Variants in KLF17 observed in about 807,000 individuals in gnomAD.
KLF17 encodes KLF transcription factor 17.
In KLF17, 31 loss-of-function variants were observed where a neutral mutation model predicts 34.2. The ratio of observed to expected loss-of-function variants is 0.91; its 90% CI spans 0.68 to 1.22. KLF17 has a LOEUF of 1.22. Ranked by LOEUF, KLF17 falls within the 50% of genes most tolerant of loss-of-function variation. KLF17 has a pLI of 0.00. For synonymous variants in KLF17, 179 were observed against 186.7 expected (o/e 0.96, Z 0.34); for missense variants, 478 against 505.2 (o/e 0.95, Z 0.52).
chr1:44,071,188 C>G, the KLF17 span, among the ~76,000 whole-genome samples: 1 of 152,180 alleles, frequency 6.6e-6, no homozygotes, highest in African/African-American at 2.4e-5. Context: ...TCTCCAACAG[C>G]TCTCCTGGTT....
At chr1:44,125,783 T>C (rs1459027723) in intron 1 of KLF17, among the ~76,000 whole-genome samples, 1 of 151,834 alleles carries the variant, frequency 6.6e-6, no homozygotes, top group Non-Finnish European at 1.5e-5. Context: ...TGTTTTATTA[T>C]AATGTTTCTT....
the KLF17 span, among the ~76,000 whole-genome samples, chr1:44,080,307 A>T: frequency 4.6e-5 from 6 of 130,998 alleles, no homozygotes; most frequent in African/African-American, 1.8e-4. Flanking sequence ...GGTGCAATCT[A>T]GGCTCACTGC....
At chr1:44,106,069 T>G in the KLF17 span, among the ~76,000 whole-genome samples, 1 of 151,986 alleles carries the variant, frequency 6.6e-6, no homozygotes, top group African/African-American at 2.4e-5. Context: ...CAAGCCATCC[T>G]GCCAGTTTCC....
chr1:44,060,868 A>G, the KLF17 span, among the ~76,000 whole-genome samples: 1 of 152,358 alleles, frequency 6.6e-6, no homozygotes, highest in East Asian at 1.9e-4. Flanking sequence ...CTGTGCAGTT[A>G]TTAATGAAAC....
intron 3 of KLF17, among the ~76,000 whole-genome samples, chr1:44,132,531 C>T (rs1487937907): frequency 6.6e-6 from 1 of 152,188 alleles, no homozygotes; most frequent in African/African-American, 2.4e-5. Context: ...AATACATCAC[C>T]TTACGTTACT....
At chr1:44,119,210 G>C (rs917077488) in intron 1 of KLF17, among the ~76,000 whole-genome samples, 1 of 151,864 alleles carries the variant, frequency 6.6e-6, no homozygotes, top group Non-Finnish European at 1.5e-5. Flanking sequence ...TGGGAGACTG[G>C]GGAGGGATTG....
the KLF17 span, chr1:44,076,867 G>A: frequency 6.7e-6 from 1 of 149,618 alleles, no homozygotes; most frequent in Non-Finnish European, 1.5e-5. Flanking sequence ...TGGAACTACA[G>A]GTGTGCACCA....
At chr1:44,046,129 G>GAAA in the KLF17 span, 1 of 141,782 alleles carries the variant, frequency 7.1e-6, no homozygotes, top group African/African-American at 2.6e-5. Context: ...TTTGGTAAAG[G>GAAA]ATAATAATAA....
At chr1:44,114,227 T>TC (rs1275180184), upstream of KLF17, 6 of 152,200 alleles carry the variant, frequency 3.9e-5, no homozygotes, top group African/African-American at 9.7e-5. Flanking sequence ...AAACTAATCC[T>TC]CTGAGGTGCT....
At chr1:44,051,379 C>T in the KLF17 span, 17 of 152,252 alleles carry the variant, frequency 1.1e-4, no homozygotes, top group Non-Finnish European at 2.4e-4. Context: ...TCAGTCCTCA[C>T]GTGGGACCCT....
At chr1:44,098,343 ACT>A in the KLF17 span, among the ~76,000 whole-genome samples, 12 of 148,018 alleles carry the variant, frequency 8.1e-5, no homozygotes, top group Admixed American at 2.7e-4. Flanking sequence ...TATTTGGGTC[ACT>A]CTCTTTTTTA....
chr1:44,073,246 G>T, the KLF17 span, among the ~76,000 whole-genome samples: 2 of 143,352 alleles, frequency 1.4e-5, no homozygotes, highest in Admixed American at 7.3e-5. Context: ...TCACTCCGTC[G>T]CCCAGGTTGG....
upstream of KLF17, chr1:44,114,423 A>G (rs568056279): frequency 2.2e-3 from 332 of 152,324 alleles, 1 homozygote; most frequent in Non-Finnish European, 3.4e-3. Flanking sequence ...ACCAAATACT[A>G]CTTCTGGGAA....
At chr1:44,122,105 A>G (rs1455281100) in intron 1 of KLF17, 1 of 1,219,548 alleles carries the variant, frequency 8.2e-7, no homozygotes. Context: ...CCTGTACAAA[A>G]AATATCCCAA....
At chr1:44,088,120 T>TTTAC in the KLF17 span, 1 of 158,782 alleles carries the variant, frequency 6.3e-6, no homozygotes, top group East Asian at 1.9e-4. Context: ...TATTTATTTA[T>TTTAC]TTATTTATTT....
chr1:44,105,324 T>C, the KLF17 span: 26 of 152,008 alleles, frequency 1.7e-4, no homozygotes, highest in Non-Finnish European at 1.6e-4. Context: ...GGTGGTGGAA[T>C]GTTTTAAAAA....
At chr1:44,073,436 C>A in the KLF17 span, among the ~76,000 whole-genome samples, 1 of 128,010 alleles carries the variant, frequency 7.8e-6, no homozygotes, top group South Asian at 2.5e-4. Context: ...CAACTCCTGA[C>A]CTCAGGTGAT....
chr1:44,055,871 A>G, the KLF17 span, among the ~76,000 whole-genome samples: 1 of 152,206 alleles, frequency 6.6e-6, no homozygotes, highest in Non-Finnish European at 1.5e-5. Flanking sequence ...AATGGAGAAT[A>G]TAGATTTGTT....
the KLF17 span, among the ~76,000 whole-genome samples, chr1:44,072,583 C>T: frequency 6.6e-6 from 1 of 152,182 alleles, no homozygotes; most frequent in African/African-American, 2.4e-5. Context: ...TGCCTGTAGT[C>T]CTAGCCACTG....
Sources: gnomAD v4.1 joint callset for allele counts (sites outside exome capture counted in the v4.1 genomes callset) on GRCh38, gnomAD v4.1.1 for gene constraint, MANE v1.5 for transcripts, NCBI Gene and HGNC (gene_info 2026-07-23, HGNC 2026-07-21) for gene names.